Variants in IQCE observed in about 807,000 individuals in gnomAD.
IQCE encodes the protein IQ motif containing E.
A neutral mutation model predicts 96.0 loss-of-function variants in IQCE; 115 were observed. That is an observed-to-expected ratio of 1.20 (90% CI 1.03 to 1.40). The LOEUF is 1.40. Ranked by LOEUF, IQCE falls within the 40% of genes most tolerant of loss-of-function variation. The pLI is 0.00. For missense variants in IQCE, 1,041 were observed against 909.1 expected (o/e 1.15, Z -1.87); for synonymous variants, 412 against 371.2 (o/e 1.11, Z -1.26).
intron 8 of IQCE, chr7:2,582,028 A>G (rs1189834922): frequency 2.1e-6 from 1 of 466,992 alleles, no homozygotes. Flanking sequence ...TGTTCTTTAA[A>G]GAATATAAGA....
intron 11 of IQCE, among the ~76,000 whole-genome samples, chr7:2,585,609 CCAGG>C (rs1430155540): frequency 2.6e-5 from 4 of 152,348 alleles, no homozygotes; most frequent in East Asian, 1.9e-4. Context: ...AGCCACAGCG[CCAGG>C]CAGGCCACAG....
Position 2,606,123 on chromosome 7 carries a change from G to A in IQCE, c.1865+126G>A, listed in dbSNP as rs147906741. The A allele has an allele frequency of 1.6e-3, 1,884 of 1,210,130 alleles. 3 individuals are homozygous for A. The highest frequency in any genetic ancestry group is 2.0e-3 in the Admixed American group (63 of 30,942). 75.0% of individuals were successfully genotyped at this position (1,210,130 alleles called of 1,614,324 possible). A position where few individuals can be genotyped will look rare whatever the true frequency, so the allele number is the denominator to read the frequency against. ...GGAGCAGCGCCTGCCGCCTGCCAGC[G>A]GGACCTCGGTTTGGAGCCAGAGTAA... On this transcript the variant is annotated intron_variant, in intron 20 of 21. Coordinates refer to ENST00000402050, the MANE Select transcript of IQCE (RefSeq NM_152558.5).
At chr7:2,576,559 C>G (rs1055331866) in intron 6 of IQCE, among the ~76,000 whole-genome samples, 6 of 152,062 alleles carry the variant, frequency 3.9e-5, no homozygotes, top group African/African-American at 1.4e-4. Context: ...GCCACCACAC[C>G]TGGCTAATTT....
intron 17 of IQCE, among the ~76,000 whole-genome samples, chr7:2,600,077 A>G (rs1288050641): frequency 6.6e-6 from 1 of 151,144 alleles, no homozygotes; most frequent in East Asian, 1.9e-4. Flanking sequence ...TATAGGCGTG[A>G]GCCACTGTGC....
At chr7:2,573,325 T>C in intron 5 of IQCE, 93 bp from the exon 6 acceptor site, 1 of 682,978 alleles carries the variant, frequency 1.5e-6, no homozygotes, top group Non-Finnish European at 2.6e-6. Flanking sequence ...TAAAAGGAAA[T>C]GTTACTAACT....
intron 13 of IQCE, among the ~76,000 whole-genome samples, chr7:2,588,498 TG>T (rs1783310386): frequency 1.3e-5 from 2 of 151,150 alleles, no homozygotes; most frequent in Admixed American, 1.3e-4. Context: ...GGACTACAGG[TG>T]CCCACCACCA....
chr7:2,593,037 G>A lies in IQCE; in HGVS notation c.1260G>A (p.Gln420=), dbSNP rs764309171. 2 of 1,607,902 alleles carry A rather than the reference G, an allele frequency of 1.2e-6. No individual in the cohort carries two copies. The highest frequency in any genetic ancestry group is 1.1e-5 in the South Asian group (1 of 90,824). ...TTGTGTGCAGTTTGGAGGTGAAGCA[G>A]CTCCTGCAGGCGAAGGCCGACCTGG... ...QLLQRDLEVK[Q]LLQAKADLEK... Residue 420 remains glutamine, a synonymous_variant, in exon 15 of 22, where the codon CAG becomes CAA. Transcript: ENST00000402050.
At chr7:2,581,143 C>G (rs769103416) in intron 8 of IQCE, among the ~76,000 whole-genome samples, 3 of 151,936 alleles carry the variant, frequency 2.0e-5, no homozygotes, top group Admixed American at 6.6e-5. Flanking sequence ...GCGCCCAGCC[C>G]TGTAACATCT....
intron 19 of IQCE, among the ~76,000 whole-genome samples, chr7:2,605,648 A>G (rs867827571): frequency 1.3e-5 from 2 of 151,408 alleles, no homozygotes; most frequent in South Asian, 4.2e-4. Flanking sequence ...AAATAAATAA[A>G]TAAATAAATA....
At chr7:2,597,513 C>A (rs1761191797) in intron 16 of IQCE, among the ~76,000 whole-genome samples, 1 of 152,252 alleles carries the variant, frequency 6.6e-6, no homozygotes, top group South Asian at 2.1e-4. Context: ...CCGGTGTGCA[C>A]TGGGAGCAGT....
chr7:2,568,329 C>CCAAGATACCT (rs1781527369), intron 2 of IQCE, among the ~76,000 whole-genome samples: 1 of 152,170 alleles, frequency 6.6e-6, no homozygotes, highest in Non-Finnish European at 1.5e-5. Context: ...GGTCCCATCC[C>CCAAGATACCT]CAAGATACCT....
intron 14 of IQCE, among the ~76,000 whole-genome samples, chr7:2,591,930 GCCTCCCAAA>G (rs1783621092): frequency 7.0e-6 from 1 of 143,264 alleles, no homozygotes. Context: ...GCCTGCCTCG[GCCTCCCAAA>G]GTGCTGGGAT....
At chr7:2,572,829 C>T (rs1160711608) in intron 5 of IQCE, 5 of 439,560 alleles carry the variant, frequency 1.1e-5, no homozygotes, top group Non-Finnish European at 1.8e-5. Context: ...CAGGCATGAG[C>T]CACCGTGCCC....
intron 3 of IQCE, among the ~76,000 whole-genome samples, chr7:2,570,522 C>T (rs1781684987): frequency 6.6e-6 from 1 of 151,774 alleles, no homozygotes; most frequent in Non-Finnish European, 1.5e-5. Flanking sequence ...GTCTTTATTC[C>T]CTCATTCACA....
chr7:2,587,200 A>G (rs1432243481), intron 12 of IQCE, among the ~76,000 whole-genome samples: 3 of 151,536 alleles, frequency 2.0e-5, no homozygotes, highest in Non-Finnish European at 4.4e-5. Context: ...ATTTCCTGAG[A>G]TGGGGGAGGC....
chr7:2,583,492 A>G (rs1782836591), intron 9 of IQCE, 145 bp from the exon 10 acceptor site: 1 of 377,248 alleles, frequency 2.7e-6, no homozygotes, highest in Non-Finnish European at 4.9e-6. Flanking sequence ...AACAAGTCAA[A>G]TGAAGGCCCG....
At chr7:2,604,172 G>C (rs761655277) in intron 18 of IQCE, among the ~76,000 whole-genome samples, 8 of 151,944 alleles carry the variant, frequency 5.3e-5, no homozygotes, top group Non-Finnish European at 1.0e-4. Context: ...ATTTTTAGTA[G>C]AGACAGGTTT....
rs1020488106 is a variant in IQCE at position 2,610,330 on chromosome 7, G to A, written c.*168G>A. The A allele has an allele frequency of 2.4e-5, 14 of 588,516 alleles. No homozygotes were observed. In the East Asian group the frequency reaches 3.2e-4, roughly 13 times the overall value. The allele number at this position is 588,516 out of a possible 1,614,324, so 36.5% of individuals were successfully genotyped here. On this transcript the variant is annotated 3_prime_UTR_variant, in exon 22 of 22. Transcript: ENST00000402050. Reference sequence around the variant, plus strand: ...TTTGTTTGTGGAAGGAGACCCAAATGCCTTTACTTTATTCTCTGGGGAGGG... The same window carrying A: ...TTTGTTTGTGGAAGGAGACCCAAATACCTTTACTTTATTCTCTGGGGAGGG...
intron 10 of IQCE, 97 bp from the exon 11 acceptor site, chr7:2,584,139 C>G: frequency 2.8e-6 from 3 of 1,072,850 alleles, no homozygotes; most frequent in South Asian, 1.2e-5. Context: ...CGCTTCTGGC[C>G]GTAGGCAGCG....
Sources: gnomAD v4.1 joint callset for allele counts (sites outside exome capture counted in the v4.1 genomes callset) on GRCh38, gnomAD v4.1.1 for gene constraint, MANE v1.5 for transcripts, NCBI Gene and HGNC (gene_info 2026-07-23, HGNC 2026-07-21) for gene names.